The following MORC1 variants were observed in gnomAD, a reference collection of about 807,000 sequenced individuals.
MORC1 encodes the protein MORC family CW-type zinc finger 1.
MORC1 carries 59 observed loss-of-function variants against 134.9 expected under a neutral mutation model. That is an observed-to-expected ratio of 0.44 (90% CI 0.35 to 0.54). The LOEUF (loss-of-function observed/expected upper bound fraction) is 0.54. MORC1 is among the 20% of genes least tolerant of loss of function. The probability of loss-of-function intolerance (pLI) is 0.00; values close to 1 mark genes in which losing one functional copy is unlikely to be tolerated. For synonymous variants in MORC1, 395 were observed against 391.7 expected (o/e 1.01, Z -0.10); for missense variants, 947 against 1,134.5 (o/e 0.83, Z 2.37).
intron 8 of MORC1, among the ~76,000 whole-genome samples, chr3:109,083,455 A>G (rs116479333): frequency 0.014 from 2,072 of 152,278 alleles, 43 homozygotes; most frequent in African/African-American, 0.046. Context: ...AAACAATAAT[A>G]TCTACAGCAA....
chr3:108,965,977 C>T (rs1011711530), intron 26 of MORC1, among the ~76,000 whole-genome samples: 1 of 152,256 alleles, frequency 6.6e-6, no homozygotes, highest in East Asian at 1.9e-4. Context: ...TTGGTTTATT[C>T]TCTTGCCTTT....
rs560135109 is a variant in MORC1 at position 108,983,175 on chromosome 3, G to C, written c.2324+1541C>G. ...TTTTCATAAATAATTCTAAGTCAAA[G>C]TATTGGCCATGAGAAGACCTGGCAA... On this transcript the variant is annotated intron_variant, in intron 23 of 27. Coordinates refer to ENST00000232603, the MANE Select transcript of MORC1 (RefSeq NM_014429.4). Among the ~76,000 whole-genome samples, 3 of 152,200 alleles carry C rather than the reference G, an allele frequency of 2.0e-5. No homozygotes were observed. In the South Asian group the frequency reaches 6.2e-4, roughly 32 times the overall value.
chr3:109,055,927 G>C (rs1336339600), intron 13 of MORC1, among the ~76,000 whole-genome samples: 2 of 152,194 alleles, frequency 1.3e-5, no homozygotes, highest in Non-Finnish European at 2.9e-5. Context: ...TAATTAGACA[G>C]TCAAGGAAGA....
chr3:109,037,777 C>CT (rs34475089), intron 14 of MORC1, among the ~76,000 whole-genome samples: 1 of 152,142 alleles, frequency 6.6e-6, no homozygotes, highest in Non-Finnish European at 1.5e-5. Context: ...TGAACTCATC[C>CT]TTTTTTATGG....
chr3:109,093,512 G>T lies in MORC1; in HGVS notation c.613C>A (p.Leu205Ile). ...GTLLVIYNLK[L>I]LLNGEPELDV... The stretch of plus-strand genomic sequence containing the variant: ...AACTCTGGTTCTCCATTAAGCAGAA[G>T]CTTCAAGTTATAAATAACCAGCAAA... The change falls in exon 8 of 28, where the codon CTT becomes ATT. Residue 205 changes from leucine (L) to isoleucine (I), a missense_variant. This residue lies in a region of MORC1 where 214 missense variants were observed against 281.3 expected (regional missense o/e 0.76). Transcript: ENST00000232603. The T allele has an allele frequency of 6.2e-7, 1 of 1,613,620 alleles. No individual in the cohort carries two copies.
intron 17 of MORC1, among the ~76,000 whole-genome samples, chr3:109,026,764 G>A (rs1318830148): frequency 6.6e-6 from 1 of 152,196 alleles, no homozygotes; most frequent in Non-Finnish European, 1.5e-5. Flanking sequence ...CTTAAAAACT[G>A]TAGAAAGTTG....
At chr3:109,055,609 G>T (rs1949940824) in intron 13 of MORC1, among the ~76,000 whole-genome samples, 1 of 152,108 alleles carries the variant, frequency 6.6e-6, no homozygotes, top group Non-Finnish European at 1.5e-5. Flanking sequence ...GACTTCTCCA[G>T]TTTGCTCTAC....
chr3:108,959,103 G>T lies in MORC1; in HGVS notation c.2817C>A (p.Asp939Glu), dbSNP rs1300987113. 6.3e-7 allele frequency: 1 copy of T among 1,579,410 alleles called. No homozygotes were observed. The highest frequency in any genetic ancestry group is 8.6e-7 in the Non-Finnish European group (1 of 1,166,624). ...QKLQLGGPEG[D>E]LEQTDTYLEA... is the part of the protein sequence containing the mutation. Reference sequence around the variant, plus strand: ...CTAAATAAGTGTCAGTCTGCTCCAGGTCACCTTCTGGACCACCCTGGAAAA... The same window carrying T: ...CTAAATAAGTGTCAGTCTGCTCCAGTTCACCTTCTGGACCACCCTGGAAAA... Residue 939 changes from aspartate to glutamate, a missense_variant, in exon 28 of 28, where the codon GAC (aspartate) becomes GAA (glutamate). Coordinates refer to ENST00000232603, the MANE Select transcript of MORC1 (RefSeq NM_014429.4).
At chr3:109,042,429 AG>A (rs1949574595) in intron 14 of MORC1, among the ~76,000 whole-genome samples, 1 of 152,220 alleles carries the variant, frequency 6.6e-6, no homozygotes, top group South Asian at 2.1e-4. Context: ...AAGACATGAA[AG>A]GTAAGTGTTG....
chr3:109,057,523 T>A, intron 12 of MORC1, 37 bp from the exon 13 acceptor site: 1 of 1,530,568 alleles, frequency 6.5e-7, no homozygotes, highest in South Asian at 1.3e-5. Flanking sequence ...AAGTTGTTTA[T>A]TAAATAAACA....
At position 109,035,472 on chromosome 3, in the gene MORC1, T is replaced by TAA. The variant is rs749509307; in HGVS notation, c.1331-5_1331-4insTT. On this transcript the variant is annotated splice_region_variant and splice_polypyrimidine_tract_variant and intron_variant, in intron 14 of 27. Coordinates refer to ENST00000232603, the MANE Select transcript of MORC1 (RefSeq NM_014429.4). The stretch of plus-strand genomic sequence containing the variant: ...AACAATGTTAAATTTCTATTATCTT[T>TAA]TAAAAAAAAAAGCAGGCAAAGAATA... The TAA allele has an allele frequency of 4.0e-3, 5,219 of 1,313,118 alleles. 10 individuals carry two copies. The highest frequency in any genetic ancestry group is 5.4e-3 in the Admixed American group (156 of 29,154). The allele number at this position is 1,313,118 out of a possible 1,614,324, so 81.3% of individuals were successfully genotyped here.
At chr3:109,109,447 T>C (rs1951114721) in intron 3 of MORC1, among the ~76,000 whole-genome samples, 1 of 152,198 alleles carries the variant, frequency 6.6e-6, no homozygotes, top group Non-Finnish European at 1.5e-5. Context: ...AATTATTACC[T>C]AGACAGGAAT....
chr3:109,096,340 G>A (rs1950830745), intron 6 of MORC1, among the ~76,000 whole-genome samples: 1 of 152,072 alleles, frequency 6.6e-6, no homozygotes, highest in African/African-American at 2.4e-5. Context: ...GATAGGAGGT[G>A]GGCACAAGAT....
intron 23 of MORC1, among the ~76,000 whole-genome samples, chr3:108,981,244 T>G (rs992655906): frequency 3.9e-5 from 6 of 152,156 alleles, no homozygotes; most frequent in Non-Finnish European, 8.8e-5. Context: ...GTCCATAAAT[T>G]AAGATCACAG....
intron 17 of MORC1, among the ~76,000 whole-genome samples, chr3:109,024,482 G>C (rs750363702): frequency 2.0e-5 from 3 of 152,142 alleles, no homozygotes; most frequent in Non-Finnish European, 4.4e-5. Flanking sequence ...CTAATCATTA[G>C]ATACCCATAG....
intron 23 of MORC1, among the ~76,000 whole-genome samples, chr3:108,984,223 T>C (rs758641892): frequency 2.0e-5 from 3 of 152,218 alleles, no homozygotes; most frequent in African/African-American, 7.2e-5. Context: ...GATAAGAGTT[T>C]GCTTCCTTTA....
intron 17 of MORC1, among the ~76,000 whole-genome samples, chr3:109,009,202 T>G (rs1468300156): frequency 2.6e-4 from 35 of 136,258 alleles, no homozygotes; most frequent in Non-Finnish European, 4.5e-4. Flanking sequence ...TTTACGTTTT[T>G]TGTTGTTTTT....
rs1210515705 is a variant in MORC1 at position 109,062,015 on chromosome 3, A to C, written c.939T>G (p.Cys313Trp). The C allele has an allele frequency of 2.5e-6, 4 of 1,614,088 alleles. No homozygotes were observed. The highest frequency in any genetic ancestry group is 1.7e-5 in the Admixed American group (1 of 60,028). The change falls in exon 11 of 28, where the codon TGT becomes TGG. Residue 313 changes from cysteine to tryptophan, a missense_variant. By Grantham distance (215) the Cys-to-Trp change is radical (BLOSUM62 -2). Around this residue, in one of 3 missense-constraint regions of MORC1, gnomAD observed 722 missense variants for 817.0 expected, o/e 0.88. Transcript: ENST00000232603. ...LKEAQIKVNQ[C>W]DRTSLSSAKD... The stretch of plus-strand genomic sequence containing the variant: ...TGGCAGAAGATAAAGAGGTTCTGTC[A>C]CACTGGTTTACTTTGATTTGTGCTT...
At chr3:109,103,767 T>C in intron 4 of MORC1, 82 bp downstream of exon 4, 2 of 1,307,066 alleles carry the variant, frequency 1.5e-6, no homozygotes, top group African/African-American at 1.5e-5. Context: ...TGTTTTTGCA[T>C]AGATAGCTCA....
Sources: gnomAD v4.1 joint callset for allele counts (sites outside exome capture counted in the v4.1 genomes callset) on GRCh38, gnomAD v4.1.1 for gene constraint, gnomAD v4.1.1 regional missense constraint, MANE v1.5 for transcripts, NCBI Gene and HGNC (gene_info 2026-07-23, HGNC 2026-07-21) for gene names.